Variants in C4orf36 observed in about 807,000 individuals in gnomAD.
The protein encoded by C4orf36 is chromosome 4 open reading frame 36.
C4orf36 carries 11 observed loss-of-function variants against 12.2 expected under a neutral mutation model. The ratio of observed to expected loss-of-function variants is 0.90; its 90% CI spans 0.57 to 1.49. The LOEUF is 1.49. Among genes scored for constraint, C4orf36 ranks in the 40% most tolerant of loss-of-function variants. C4orf36 has a pLI of 0.00. For synonymous variants in C4orf36, 54 were observed against 51.3 expected, an observed-to-expected ratio of 1.05 and a Z score of -0.22; for missense variants, 137 against 133.9, an observed-to-expected ratio of 1.02 and a Z score of -0.11.
the C4orf36 span, among the ~76,000 whole-genome samples, chr4:86,916,776 C>T: frequency 6.6e-6 from 1 of 152,338 alleles, no homozygotes; most frequent in Admixed American, 6.5e-5. Flanking sequence ...TTCCACAGAG[C>T]ACTGCTTCTG....
At chr4:86,885,224 A>G (rs1451302246) in intron 4 of C4orf36, among the ~76,000 whole-genome samples, 1 of 152,108 alleles carries the variant, frequency 6.6e-6, no homozygotes, top group Non-Finnish European at 1.5e-5. Context: ...GTTTTTTCCA[A>G]TTCTGTGAAG....
the C4orf36 span, among the ~76,000 whole-genome samples, chr4:86,917,468 G>GAGA: frequency 2.2e-5 from 1 of 45,806 alleles, no homozygotes; most frequent in Non-Finnish European, 7.5e-5. Flanking sequence ...AGAAAGAAAA[G>GAGA]AAAGAAATAA....
At chr4:86,876,506 GAA>G in intron 4 of C4orf36, 63 bp from the exon 5 acceptor site, 2 of 1,613,742 alleles carry the variant, frequency 1.2e-6, no homozygotes, top group Non-Finnish European at 1.7e-6. Flanking sequence ...TAGAAAAAAT[GAA>G]AAGATTAGAA....
the C4orf36 span, among the ~76,000 whole-genome samples, chr4:86,904,452 T>G: frequency 2.0e-5 from 3 of 152,072 alleles, no homozygotes; most frequent in East Asian, 5.8e-4. Context: ...TGGTAACACG[T>G]TGTCACCTCT....
chr4:86,887,843 A>C lies in C4orf36; in HGVS notation c.271T>G (p.Cys91Gly). 1 of 1,614,158 alleles carries C rather than the reference A, an allele frequency of 6.2e-7. No individual in the cohort carries two copies. The highest frequency in any genetic ancestry group is 8.5e-7 in the Non-Finnish European group (1 of 1,180,010). ...ATTTCCTTAGATGTATTTTCTTGAC[A>C]CTTCAGTTTACAAAGACGCTTCACT... ...YEVKRLCKLK[C>G]QENTSKEIQL... Residue 91 changes from cysteine to glycine, a missense_variant, in exon 4 of 5, where the codon TGT becomes GGT. By Grantham distance (159) the Cys-to-Gly change is radical. Coordinates refer to ENST00000295898, the MANE Select transcript of C4orf36 (RefSeq NM_144645.4).
intron 3 of C4orf36, 41 bp downstream of exon 3, chr4:86,888,080 C>T (rs780219301): frequency 1.3e-6 from 2 of 1,595,162 alleles, no homozygotes; most frequent in South Asian, 2.3e-5. Context: ...AAATGGCACA[C>T]TGAATTTATA....
the C4orf36 span, among the ~76,000 whole-genome samples, chr4:86,912,785 CAT>C: frequency 6.6e-6 from 1 of 151,958 alleles, no homozygotes; most frequent in Non-Finnish European, 1.5e-5. Flanking sequence ...GACATGAAAA[CAT>C]ATATGTAAAT....
chr4:86,902,057 G>A, the C4orf36 span, among the ~76,000 whole-genome samples: 1 of 152,066 alleles, frequency 6.6e-6, no homozygotes, highest in African/African-American at 2.4e-5. Context: ...CCATAGAGGC[G>A]AGCCTGGAGC....
At chr4:86,921,714 G>T in the C4orf36 span, among the ~76,000 whole-genome samples, 1 of 152,050 alleles carries the variant, frequency 6.6e-6, no homozygotes, top group East Asian at 1.9e-4. Context: ...ATTTTTAAGT[G>T]TACAGTTCAT....
chr4:86,902,459 A>G, the C4orf36 span, among the ~76,000 whole-genome samples: 9,047 of 150,320 alleles, frequency 0.06, 401 homozygotes, highest in Non-Finnish European at 0.087. Flanking sequence ...AAGAAAGAAA[A>G]AAAAGGGAAT....
chr4:86,892,900 G>A (rs10015477), upstream of C4orf36, among the ~76,000 whole-genome samples: 48,525 of 152,092 alleles, frequency 0.32, 8,281 homozygotes, highest in Non-Finnish European at 0.37. Flanking sequence ...CACCCCTTAC[G>A]GTCAAATGAA....
At chr4:86,921,651 A>C in the C4orf36 span, among the ~76,000 whole-genome samples, 1 of 152,228 alleles carries the variant, frequency 6.6e-6, no homozygotes, top group Non-Finnish European at 1.5e-5. Context: ...TTTTAATTTT[A>C]ATTTTTAAAA....
the C4orf36 span, among the ~76,000 whole-genome samples, chr4:86,917,940 A>G: frequency 4.7e-4 from 71 of 152,298 alleles, no homozygotes; most frequent in African/African-American, 1.5e-3. Flanking sequence ...GAATTTTTCA[A>G]CTCTACTGTA....
At chr4:86,924,163 C>T in the C4orf36 span, among the ~76,000 whole-genome samples, 1 of 152,136 alleles carries the variant, frequency 6.6e-6, no homozygotes, top group Non-Finnish European at 1.5e-5. Context: ...ACCTAAGCCT[C>T]CCAAGTATCT....
chr4:86,876,343 G>C lies in C4orf36; in HGVS notation c.*103C>G. 2 of 1,545,124 alleles carry C rather than the reference G, an allele frequency of 1.3e-6. No individual in the cohort carries two copies. Among genetic ancestry groups the C allele is most frequent in the Non-Finnish European group, 1.7e-6 (2 of 1,147,350 alleles). On this transcript the variant is annotated 3_prime_UTR_variant, in exon 5 of 5. Transcript: ENST00000295898. ...TGGGGGCCGGGCCAGGATGGCTGCA[G>C]CGCAGCGACGGCCGGGGCCGGGAGC...
At chr4:86,921,627 T>C in the C4orf36 span, among the ~76,000 whole-genome samples, 1 of 152,188 alleles carries the variant, frequency 6.6e-6, no homozygotes, top group Non-Finnish European at 1.5e-5. Context: ...ATTAATAAAC[T>C]CAGTATTAAA....
the C4orf36 span, chr4:86,935,028 C>G: frequency 6.6e-6 from 1 of 151,834 alleles, no homozygotes; most frequent in Non-Finnish European, 1.5e-5. Flanking sequence ...TAGCGAGCGA[C>G]GGGCGCGCGC....
At chr4:86,920,453 C>A in the C4orf36 span, among the ~76,000 whole-genome samples, 1 of 152,208 alleles carries the variant, frequency 6.6e-6, no homozygotes, top group Non-Finnish European at 1.5e-5. Context: ...TTTACTATAG[C>A]AACAACTCCA....
At chr4:86,883,367 A>G (rs534737728) in intron 4 of C4orf36, among the ~76,000 whole-genome samples, 2 of 152,322 alleles carry the variant, frequency 1.3e-5, no homozygotes, top group Non-Finnish European at 2.9e-5. Flanking sequence ...GTACATATAT[A>G]TTGTAAGAAT....
Sources: allele counts gnomAD v4.1 joint callset (sites outside exome capture counted in the v4.1 genomes callset), GRCh38; gene constraint gnomAD v4.1.1; transcripts MANE v1.5; gene names NCBI Gene and HGNC (gene_info 2026-07-23, HGNC 2026-07-21).